Variants in SIN3B observed in about 807,000 individuals in gnomAD.
The protein encoded by SIN3B is SIN3 transcription regulator family member B, also known as paired amphipathic helix protein Sin3b.
In SIN3B, 19 loss-of-function variants were observed where a neutral mutation model predicts 120.2. The ratio of observed to expected loss-of-function variants is 0.16; its 90% CI spans 0.11 to 0.23. The LOEUF (loss-of-function observed/expected upper bound fraction) is 0.23. Among genes scored for constraint, SIN3B ranks in the 10% least tolerant of loss-of-function variants. The pLI is 1.00. For synonymous variants in SIN3B, 654 were observed against 653.2 expected (o/e 1.00, Z -0.02); for missense variants, 1,073 against 1,573.0 (o/e 0.68, Z 5.38).
intron 3 of SIN3B, among the ~76,000 whole-genome samples, chr19:16,840,333 G>A (rs943740009): frequency 1.3e-5 from 2 of 152,130 alleles, no homozygotes; most frequent in East Asian, 1.9e-4. Context: ...AGGGACATGC[G>A]TGCACAGAGA....
At chr19:16,849,326 T>A (rs1042927917) in intron 5 of SIN3B, among the ~76,000 whole-genome samples, 2 of 152,220 alleles carry the variant, frequency 1.3e-5, no homozygotes, top group Non-Finnish European at 2.9e-5. Context: ...GATTCACCTC[T>A]GCCCTAGTAG....
intron 3 of SIN3B, among the ~76,000 whole-genome samples, chr19:16,839,059 C>G (rs568482020): frequency 6.6e-6 from 1 of 150,866 alleles, no homozygotes; most frequent in African/African-American, 2.4e-5. Flanking sequence ...CCACAACCCC[C>G]TGGGTTCAAG....
At position 16,865,640 on chromosome 19, in the gene SIN3B, C is replaced by A; in HGVS notation, c.1614C>A (p.Val538=). ...KKNPVTAVPV[V]LKRLKAKEEE... ...ACCCTGTCACCGCTGTCCCCGTTGT[C>A]CTGAAAAGGTGCCCTGTGGCGTCCC... The change falls in exon 11 of 19, where the codon GTC becomes GTA. Residue 538 remains valine (V), a synonymous_variant. Coordinates refer to ENST00000248054, the MANE Select transcript of SIN3B (RefSeq NM_001297595.2). 6.3e-7 allele frequency: 1 copy of A among 1,599,802 alleles called. No homozygotes were observed. Among genetic ancestry groups the A allele is most frequent in the Non-Finnish European group, 8.5e-7 (1 of 1,170,176 alleles).
chr19:16,845,902 T>A (rs1468140083), intron 4 of SIN3B, among the ~76,000 whole-genome samples: 2 of 152,130 alleles, frequency 1.3e-5, no homozygotes, highest in African/African-American at 2.4e-5. Context: ...TTAAAACAAA[T>A]TTTTTTAATC....
Position 16,853,127 on chromosome 19 carries a change from G to A in SIN3B, c.908G>A (p.Gly303Glu). Reference protein sequence around the residue: ...DLSIAAVGKYGTLQEFSFFDK... With the variant: ...DLSIAAVGKYETLQEFSFFDK... The stretch of plus-strand genomic sequence containing the variant: ...TCCATCGCTGCAGTGGGGAAGTACG[G>A]GACTCTGCAGGAATTTTCTTTCTTT... The change falls in exon 7 of 19, where the codon GGG (glycine) becomes GAG (glutamate). Residue 303 changes from glycine (G) to glutamate (E), a missense_variant. Transcript: ENST00000248054. The A allele has an allele frequency of 6.2e-7, 1 of 1,614,176 alleles. No homozygotes were observed.
chr19:16,866,195 G>C (rs879779261), intron 11 of SIN3B, among the ~76,000 whole-genome samples, 178 bp from the exon 12 acceptor site: 1 of 152,276 alleles, frequency 6.6e-6, no homozygotes, highest in African/African-American at 2.4e-5. Flanking sequence ...GGCTCTGTAA[G>C]GCCATCACGC....
chr19:16,866,195 G>A (rs879779261), intron 11 of SIN3B, among the ~76,000 whole-genome samples, 178 bp from the exon 12 acceptor site: 2 of 152,158 alleles, frequency 1.3e-5, no homozygotes, highest in Non-Finnish European at 2.9e-5. Context: ...GGCTCTGTAA[G>A]GCCATCACGC....
chr19:16,829,975 T>A, intron 2 of SIN3B, 78 bp downstream of exon 2: 1 of 933,102 alleles, frequency 1.1e-6, no homozygotes, highest in Non-Finnish European at 1.7e-6. Flanking sequence ...ACCTCCCCTC[T>A]CCAGCCTGCC....
Position 16,865,429 on chromosome 19 carries a change from C to T in SIN3B, c.1403C>T (p.Thr468Met), listed in dbSNP as rs750439502. The change falls in exon 11 of 19, where the codon ACG (threonine) becomes ATG (methionine). Residue 468 changes from threonine to methionine, a missense_variant. Coordinates refer to ENST00000248054, the MANE Select transcript of SIN3B (RefSeq NM_001297595.2). ...CCATAGTTAGACGTTGTCCTGGAGA[C>T]GAACCTGGCCACAATCCGTGTGTTG... ...ERFELDVVLE[T>M]NLATIRVLES... 5.1e-5 allele frequency: 81 copies of T among 1,602,614 alleles called. No individual in the cohort carries two copies. The highest frequency in any genetic ancestry group is 5.9e-5 in the Non-Finnish European group (69 of 1,170,836).
chr19:16,866,626 C>T, intron 12 of SIN3B, 70 bp downstream of exon 12: 2 of 1,455,758 alleles, frequency 1.4e-6, no homozygotes, highest in Admixed American at 1.9e-5. Flanking sequence ...CGGGTCTGTG[C>T]CTCTGTTTCC....
chr19:16,876,607 G>T lies in SIN3B; in HGVS notation c.2859+29G>T. 6.4e-7 allele frequency: 1 copy of T among 1,571,122 alleles called. No homozygotes were observed. Among genetic ancestry groups the T allele is most frequent in the South Asian group, 1.1e-5 (1 of 89,684 alleles). ...AGGCCCTGGCCCCAGTCTGTGCCAC[G>T]CATACCAGGGAGCGCCTGAGGGCAG... On this transcript the variant is annotated intron_variant, in intron 16 of 18. Transcript: ENST00000248054. This position sits in a 1 kb window ranked among gnomAD's most constrained non-coding sequence, Gnocchi z 7.1.
chr19:16,879,101 T>G lies in SIN3B; in HGVS notation c.*374T>G. 3.7e-6 allele frequency: 1 copy of G among 269,552 alleles called. No homozygotes were observed. The highest frequency in any genetic ancestry group is 7.0e-6 in the Non-Finnish European group (1 of 142,558). The allele number at this position is 269,552 out of a possible 1,614,324, so 16.7% of individuals were successfully genotyped here. A position where few individuals can be genotyped will look rare whatever the true frequency, so the allele number is the denominator to read the frequency against. On this transcript the variant is annotated 3_prime_UTR_variant, in exon 19 of 19. Transcript: ENST00000248054. ...TTGGAAAAGTCACAGGTGACAGCCCTCCTGAGGCCCACACTTTGGAGGGGG... is the reference window on the plus strand; with the variant it reads ...TTGGAAAAGTCACAGGTGACAGCCCGCCTGAGGCCCACACTTTGGAGGGGG...
At chr19:16,865,304 ACAC>A in intron 10 of SIN3B, 103 bp from the exon 11 acceptor site, 1 of 462,304 alleles carries the variant, frequency 2.2e-6, no homozygotes, top group Non-Finnish European at 4.0e-6. Context: ...TTAAATACAC[ACAC>A]CCCCCCCCCA....
chr19:16,833,885 G>A (rs1051573308), intron 3 of SIN3B, among the ~76,000 whole-genome samples: 1 of 151,722 alleles, frequency 6.6e-6, no homozygotes, highest in Non-Finnish European at 1.5e-5. Flanking sequence ...CATCATGCCC[G>A]GCTAATTTTT....
At chr19:16,858,706 A>G (rs1971648549) in intron 8 of SIN3B, among the ~76,000 whole-genome samples, 1 of 151,978 alleles carries the variant, frequency 6.6e-6, no homozygotes. Context: ...TCCTAGCACT[A>G]TGGGAGGCTG....
At position 16,863,755 on chromosome 19, in the gene SIN3B, T is replaced by C. The variant is rs1267078181; in HGVS notation, c.1342T>C (p.Tyr448His). The change falls in exon 10 of 19, where the codon TAC becomes CAC. Residue 448 changes from tyrosine to histidine, a missense_variant. By Grantham distance (83) the Tyr-to-His change is moderately conservative. Around this residue, in one of 7 missense-constraint regions of SIN3B, gnomAD observed 118 missense variants for 281.6 expected, o/e 0.42. Transcript: ENST00000248054. ...GTTCGTCAGCTCCAAGAAGACACCG[T>C]ACGAGGAGCAGCTTCACCGCTGTGA... is the stretch of plus-strand genomic sequence containing the variant. ...STFVSSKKTP[Y>H]EEQLHRCEDE... 6.2e-7 allele frequency: 1 copy of C among 1,614,042 alleles called. No individual in the cohort carries two copies. The highest frequency in any genetic ancestry group is 1.3e-5 in the African/African-American group (1 of 74,934).
In SIN3B at chr19:16,874,986, C is replaced by CTGGTT. The variant is rs887725884; in HGVS notation, c.2593-1053_2593-1049dup. On this transcript the variant is annotated intron_variant, in intron 14 of 18. Coordinates refer to ENST00000248054, the MANE Select transcript of SIN3B (RefSeq NM_001297595.2). ...TTGGTCTGGTCTGATTTGATTTGGTCTGGTTTGGTTTGGTTTGGTTAGGTT... is the reference window on the plus strand; with the variant it reads ...TTGGTCTGGTCTGATTTGATTTGGTCTGGTTTGGTTTGGTTTGGTTTGGTTAGGTT... 1.9e-4 allele frequency among the ~76,000 whole-genome samples: 27 copies of CTGGTT among 139,914 alleles called. No homozygotes were observed. In the East Asian group the frequency reaches 5.9e-3, roughly 31 times the overall value. 91.8% of individuals were successfully genotyped at this position (139,914 alleles called of 152,430 possible).
intron 14 of SIN3B, among the ~76,000 whole-genome samples, chr19:16,873,192 G>A (rs1018398511): frequency 1.6e-4 from 24 of 152,152 alleles, no homozygotes; most frequent in African/African-American, 5.6e-4. Context: ...TTTCATGGCC[G>A]TTGGGACATC....
intron 4 of SIN3B, among the ~76,000 whole-genome samples, chr19:16,845,805 T>G (rs1372098601): frequency 1.3e-5 from 2 of 152,234 alleles, no homozygotes; most frequent in Admixed American, 1.3e-4. Context: ...CACTGCAGCC[T>G]TGAGCTCCTG....
Sources: gnomAD v4.1 joint callset for allele counts (sites outside exome capture counted in the v4.1 genomes callset) on GRCh38, gnomAD v4.1.1 for gene constraint, gnomAD v4.1.1 regional missense constraint, Gnocchi (gnomAD v3.1) non-coding constraint, MANE v1.5 for transcripts, NCBI Gene and HGNC (gene_info 2026-07-23, HGNC 2026-07-21) for gene names.